DOCK4: variants seen among roughly 807,000 people sequenced by gnomAD.
DOCK4 encodes the protein dedicator of cytokinesis protein 4.
A neutral mutation model predicts 268.1 loss-of-function variants in DOCK4; 97 were observed. That is an observed-to-expected ratio of 0.36 (90% confidence interval 0.31 to 0.43). The LOEUF (loss-of-function observed/expected upper bound fraction) is 0.43, where lower values mean the gene tolerates loss of function less well. Ranked by LOEUF, DOCK4 falls within the 20% of genes least tolerant of loss-of-function variation. The pLI, the probability that DOCK4 is intolerant of heterozygous loss-of-function variation, is 1.00. For missense variants in DOCK4, 2,145 were observed against 2,455.7 expected (o/e 0.87, Z 2.67); for synonymous variants, 954 against 887.2 (o/e 1.08, Z -1.34).
intron 1 of DOCK4, among the ~76,000 whole-genome samples, chr7:112,175,809 C>A (rs1360508392): frequency 2.3e-5 from 3 of 129,020 alleles, no homozygotes; most frequent in Non-Finnish European, 4.6e-5. Context: ...CCTATCTGCC[C>A]CCATCCCCTT....
At chr7:112,005,156 G>A (rs563217320) in intron 1 of DOCK4, among the ~76,000 whole-genome samples, 2 of 152,264 alleles carry the variant, frequency 1.3e-5, no homozygotes, top group South Asian at 4.2e-4. Flanking sequence ...AATTTTAGGA[G>A]GGAAACTTAT....
At chr7:112,000,660 G>A (rs963944817) in intron 2 of DOCK4, 126 bp from the exon 3 acceptor site, 14 of 614,696 alleles carry the variant, frequency 2.3e-5, no homozygotes, top group African/African-American at 1.7e-4. Context: ...GGATAAATAT[G>A]GTAGGTATTG....
intron 44 of DOCK4, 67 bp downstream of exon 44, chr7:111,746,267 G>C (rs549754979): frequency 1.5e-6 from 2 of 1,305,510 alleles, no homozygotes; most frequent in African/African-American, 2.9e-5. Flanking sequence ...ACCATGCAGA[G>C]GGGGCTCTAG....
intron 1 of DOCK4, among the ~76,000 whole-genome samples, chr7:112,134,916 C>T (rs1814177766): frequency 6.6e-6 from 1 of 152,110 alleles, no homozygotes; most frequent in Non-Finnish European, 1.5e-5. Flanking sequence ...TAATAAAACA[C>T]ATTTACTTCA....
At chr7:112,057,506 G>A (rs1165365841) in intron 1 of DOCK4, among the ~76,000 whole-genome samples, 4 of 151,412 alleles carry the variant, frequency 2.6e-5, no homozygotes, top group African/African-American at 9.7e-5. Flanking sequence ...GACCATGATG[G>A]CACCACTGCA....
At chr7:111,914,158 C>T (rs554080901) in intron 13 of DOCK4, among the ~76,000 whole-genome samples, 25 of 152,124 alleles carry the variant, frequency 1.6e-4, no homozygotes, top group Non-Finnish European at 3.2e-4. Context: ...CGGGTTACAG[C>T]GTGTCTCTGC....
chr7:112,190,151 C>T (rs1819820782), intron 1 of DOCK4, among the ~76,000 whole-genome samples: 1 of 152,162 alleles, frequency 6.6e-6, no homozygotes, highest in Admixed American at 6.5e-5. Context: ...TTTGGGCTTT[C>T]TCCCTCATCC....
intron 12 of DOCK4, among the ~76,000 whole-genome samples, chr7:111,924,615 A>G (rs1286829533): frequency 1.3e-5 from 2 of 152,180 alleles, no homozygotes; most frequent in Non-Finnish European, 2.9e-5. Context: ...ATTTCTAGAC[A>G]TTAGTCCTGT....
intron 12 of DOCK4, among the ~76,000 whole-genome samples, chr7:111,929,064 G>C (rs569492816): frequency 1.4e-4 from 22 of 152,224 alleles, no homozygotes; most frequent in Admixed American, 1.4e-3. Flanking sequence ...TCTGCAATTT[G>C]TTCTCAGGCA....
intron 27 of DOCK4, among the ~76,000 whole-genome samples, chr7:111,815,268 C>T (rs982662529): frequency 2.0e-5 from 3 of 152,164 alleles, no homozygotes; most frequent in Non-Finnish European, 4.4e-5. Context: ...TCTTTCATAC[C>T]TATAACATTC....
At chr7:112,205,096 A>G (rs1243750790) in intron 1 of DOCK4, among the ~76,000 whole-genome samples, 1 of 152,158 alleles carries the variant, frequency 6.6e-6, no homozygotes, top group African/African-American at 2.4e-5. Context: ...GACCCAGCTG[A>G]AATCAAACAA....
intron 26 of DOCK4, among the ~76,000 whole-genome samples, chr7:111,825,547 C>T (rs577702382): frequency 6.6e-6 from 1 of 152,248 alleles, no homozygotes; most frequent in South Asian, 2.1e-4. Flanking sequence ...AAGAACATTG[C>T]CATGCCTATA....
At chr7:112,061,739 T>TCACACACACACACACACACA (rs61696712) in intron 1 of DOCK4, among the ~76,000 whole-genome samples, 1 of 137,140 alleles carries the variant, frequency 7.3e-6, no homozygotes, top group Non-Finnish European at 1.6e-5. Flanking sequence ...ATTAACAATG[T>TCACACACACACACACACACA]CACACACACA....
At chr7:111,901,873 A>C (rs1791180872) in intron 13 of DOCK4, 72 bp from the exon 14 acceptor site, 6 of 1,207,692 alleles carry the variant, frequency 5.0e-6, no homozygotes. Flanking sequence ...CTATCAAGAA[A>C]AACTTTAGTT....
At chr7:112,040,504 C>T (rs1166801286) in intron 1 of DOCK4, among the ~76,000 whole-genome samples, 1 of 152,106 alleles carries the variant, frequency 6.6e-6, no homozygotes, top group Non-Finnish European at 1.5e-5. Context: ...GTTGTGGAGG[C>T]ACAGTGAACC....
intron 28 of DOCK4, among the ~76,000 whole-genome samples, chr7:111,810,283 C>T (rs969143808): frequency 7.2e-5 from 11 of 151,850 alleles, no homozygotes; most frequent in Admixed American, 7.2e-4. Flanking sequence ...GAAACCCCGT[C>T]TATCCTAAGA....
chr7:111,877,171 T>C lies in DOCK4; in HGVS notation c.1603A>G (p.Asn535Asp), dbSNP rs12705801. Reference sequence around the variant, plus strand: ...AGGTAGCGGGTAGTATCCTGAAGATTTGTGTTTTCTTCACACTGTTAAAAA... The same window carrying C: ...AGGTAGCGGGTAGTATCCTGAAGATCTGTGTTTTCTTCACACTGTTAAAAA... ...LIVHKCEENT[N>D]LQDTTRYLKL... Residue 535 changes from asparagine to aspartate, a missense_variant, in exon 17 of 53, where the codon AAT (asparagine) becomes GAT (aspartate). By Grantham distance (23) the Asn-to-Asp change is conservative (BLOSUM62 1). This residue lies in a region of DOCK4 where 1,598 missense variants were observed against 1,986.7 expected (regional missense o/e 0.80). Coordinates refer to ENST00000428084, the MANE Select transcript of DOCK4 (RefSeq NM_001363540.2). 5,296 of 1,522,822 alleles carry C rather than the reference T, an allele frequency of 3.5e-3. 13 individuals carry two copies. The highest frequency in any genetic ancestry group is 4.0e-3 in the Non-Finnish European group (4,546 of 1,135,834). 94.3% of individuals were successfully genotyped at this position (1,522,822 alleles called of 1,614,324 possible).
At chr7:112,138,573 A>G (rs530034871) in intron 1 of DOCK4, among the ~76,000 whole-genome samples, 6 of 152,324 alleles carry the variant, frequency 3.9e-5, no homozygotes, top group Admixed American at 2.0e-4. Flanking sequence ...TACAGGAAGA[A>G]GGCAAGGGCA....
At chr7:111,935,439 C>A in intron 12 of DOCK4, 101 bp downstream of exon 12, 1 of 1,017,912 alleles carries the variant, frequency 9.8e-7, no homozygotes, top group Non-Finnish European at 1.6e-6. Flanking sequence ...AGTGAATAGA[C>A]AGAAAAACAA....
Sources: gnomAD v4.1 joint callset for allele counts (sites outside exome capture counted in the v4.1 genomes callset) on GRCh38, gnomAD v4.1.1 for gene constraint, gnomAD v4.1.1 regional missense constraint, MANE v1.5 for transcripts, NCBI Gene and HGNC (gene_info 2026-07-23, HGNC 2026-07-21) for gene names.